The following PCDHA4 variants were observed in gnomAD, a reference collection of about 807,000 sequenced individuals.
PCDHA4 encodes protocadherin alpha 4, also known as protocadherin alpha-4.
PCDHA4 carries 49 observed loss-of-function variants against 61.4 expected under a neutral mutation model. The observed-to-expected ratio is 0.80, with a 90% CI of 0.63 to 1.01. PCDHA4 has a LOEUF of 1.01. Among genes scored for constraint, PCDHA4 ranks in the 50% least tolerant of loss-of-function variants. The pLI is 0.00. For synonymous variants in PCDHA4, 590 were observed against 550.3 expected (o/e 1.07, Z -1.01); for missense variants, 1,254 against 1,235.8 (o/e 1.01, Z -0.22).
intron 3 of PCDHA4, among the ~76,000 whole-genome samples, chr5:140,983,980 G>A (rs1169839423): frequency 6.6e-6 from 1 of 152,286 alleles, no homozygotes; most frequent in African/African-American, 2.4e-5. Flanking sequence ...AAATATACGA[G>A]TTGAAGCAAT....
intron 1 of PCDHA4, chr5:140,828,102 C>T: frequency 6.8e-6 from 11 of 1,608,522 alleles, no homozygotes; most frequent in Non-Finnish European, 9.3e-6. Flanking sequence ...ATGGTGTTTA[C>T]CCCGGAGGAT....
intron 3 of PCDHA4, among the ~76,000 whole-genome samples, chr5:140,999,659 G>A (rs1208907437): frequency 6.6e-6 from 1 of 152,162 alleles, no homozygotes; most frequent in African/African-American, 2.4e-5. Context: ...GAGCCCTGCT[G>A]GGTTGCGGGG....
chr5:141,008,323 A>C lies in PCDHA4; in HGVS notation c.2534-1304A>C, dbSNP rs2098370005. ...CCCTAAACTGTAATTGAACATAAACAGTTTATTTGATGGAGCTTTTCACGT... is the reference window on the plus strand; with the variant it reads ...CCCTAAACTGTAATTGAACATAAACCGTTTATTTGATGGAGCTTTTCACGT... On this transcript the variant is annotated intron_variant, in intron 3 of 3. Transcript: ENST00000530339. 2.0e-5 allele frequency among the ~76,000 whole-genome samples: 3 copies of C among 152,242 alleles called. No individual in the cohort carries two copies. The South Asian group carries it at 6.2e-4, about 32-fold the overall frequency.
chr5:140,820,258 A>G (rs920321259), intron 1 of PCDHA4, among the ~76,000 whole-genome samples: 1 of 151,990 alleles, frequency 6.6e-6, no homozygotes, highest in African/African-American at 2.4e-5. Context: ...TTATAAGGGA[A>G]CTGGTAAATA....
At chr5:140,845,023 G>A (rs1554140814) in intron 1 of PCDHA4, among the ~76,000 whole-genome samples, 2 of 149,032 alleles carry the variant, frequency 1.3e-5, no homozygotes, top group African/African-American at 2.5e-5. Flanking sequence ...AATCATTTAT[G>A]GGCATATTTT....
At position 140,823,260 on chromosome 5, in the gene PCDHA4, G is replaced by A. The variant is rs2150124011; in HGVS notation, c.2385+13688G>A. On this transcript the variant is annotated intron_variant, in intron 1 of 3. Transcript: ENST00000530339. ...CCCTGGTGTCCTACTCGCTGGTGGA[G>A]CGGCGGGTGGGCGAGCGCCCGCTGT... is the stretch of plus-strand genomic sequence containing the variant. 59 of 1,613,054 alleles carry A rather than the reference G, an allele frequency of 3.7e-5. No individual in the cohort carries two copies. In the Admixed American group the frequency reaches 7.5e-4, roughly 20 times the overall value.
intron 1 of PCDHA4, chr5:140,870,513 C>G: frequency 6.2e-7 from 1 of 1,614,254 alleles, no homozygotes; most frequent in Non-Finnish European, 8.5e-7. Flanking sequence ...ACCCACCAGG[C>G]TGCCACATCT....
At chr5:140,998,125 A>G (rs2097797565) in intron 3 of PCDHA4, among the ~76,000 whole-genome samples, 1 of 152,222 alleles carries the variant, frequency 6.6e-6, no homozygotes. Flanking sequence ...CTTGTGAATC[A>G]TAATAGCTAA....
chr5:140,889,541 ATTTAC>A (rs1434823292), intron 1 of PCDHA4, among the ~76,000 whole-genome samples: 9 of 151,878 alleles, frequency 5.9e-5, no homozygotes, highest in African/African-American at 2.2e-4. Context: ...TTCCTGTCTA[ATTTAC>A]TTTTCTTCAG....
chr5:140,957,879 G>T (rs2095393633), intron 1 of PCDHA4, among the ~76,000 whole-genome samples: 1 of 151,960 alleles, frequency 6.6e-6, no homozygotes, highest in Non-Finnish European at 1.5e-5. Flanking sequence ...GTGCTGAAAA[G>T]CTGAAGTTGG....
intron 1 of PCDHA4, chr5:140,841,323 T>G: frequency 1.3e-6 from 2 of 1,588,196 alleles, no homozygotes; most frequent in Non-Finnish European, 1.7e-6. Flanking sequence ...CTATTTAACA[T>G]GGATTATCAC....
intron 1 of PCDHA4, chr5:140,843,835 T>G: frequency 5.5e-6 from 6 of 1,094,648 alleles, no homozygotes; most frequent in Non-Finnish European, 5.3e-6. Context: ...CATTGTTTAG[T>G]TTTTAGAAAC....
chr5:140,854,692 A>G (rs1554147391), intron 1 of PCDHA4: 1 of 150,100 alleles, frequency 6.7e-6, no homozygotes, highest in African/African-American at 2.4e-5. Flanking sequence ...TCTGTTGTTA[A>G]GTTTTCCTTT....
intron 1 of PCDHA4, chr5:140,850,713 G>C (rs186966305): frequency 6.3e-7 from 1 of 1,598,196 alleles, no homozygotes; most frequent in Non-Finnish European, 8.6e-7. Context: ...GCCGACGCTG[G>C]TGTGTTCTAG....
Position 141,009,969 on chromosome 5 carries a change from GT to G in PCDHA4, c.*37del, listed in dbSNP as rs2098415622. On this transcript the variant is annotated 3_prime_UTR_variant, in exon 4 of 4. Coordinates refer to ENST00000530339, the MANE Select transcript of PCDHA4 (RefSeq NM_018907.4). ...CAAATGGAAACAAGCCACTTAGCCA[GT>G]TTTTGTAATAATGGCAAATCTCTCC... 6.3e-7 allele frequency: 1 copy of G among 1,586,478 alleles called. No homozygotes were observed. The highest frequency in any genetic ancestry group is 1.8e-5 in the Admixed American group (1 of 54,174).
chr5:140,808,693 C>G lies in PCDHA4; in HGVS notation c.1506C>G (p.Arg502=). 6.2e-7 allele frequency: 1 copy of G among 1,612,144 alleles called. No individual in the cohort carries two copies. The change falls in exon 1 of 4, where the codon CGC becomes CGG. Residue 502 remains arginine, a synonymous_variant. Transcript: ENST00000530339. ...TGGTAGAGCGGCGGGTAGGGGAGCGCGCGCTGTCGAGCTACGTTTCGGTGC... is the reference window on the plus strand; with the variant it reads ...TGGTAGAGCGGCGGGTAGGGGAGCGGGCGCTGTCGAGCTACGTTTCGGTGC... The part of the protein sequence containing the change: ...YSLVERRVGE[R]ALSSYVSVHA...
At chr5:140,877,156 G>C (rs1471783281) in intron 1 of PCDHA4, 1 of 1,613,810 alleles carries the variant, frequency 6.2e-7, no homozygotes, top group Non-Finnish European at 8.5e-7. Flanking sequence ...GAACGACAAC[G>C]CGCCGGCACT....
intron 1 of PCDHA4, among the ~76,000 whole-genome samples, chr5:140,881,030 A>G (rs959156727): frequency 6.6e-6 from 1 of 152,234 alleles, no homozygotes; most frequent in Non-Finnish European, 1.5e-5. Flanking sequence ...CCCAACAGTC[A>G]TTTCCTATAG....
Position 140,808,930 on chromosome 5 carries a change from GC to G in PCDHA4, c.1745del (p.Pro582HisfsTer70). On this transcript the variant is annotated frameshift_variant, in exon 1 of 4. Coordinates refer to ENST00000530339, the MANE Select transcript of PCDHA4 (RefSeq NM_018907.4). LOFTEE classifies it high-confidence loss of function. ...CTGGTGGCGCAGTGAGCGAGCTGGT[GC>G]CATGGTCGGTGGGTGTGGGCCACGT... ...GTGGAVSELV[P>X]WSVGVGHVVA... 1 of 1,613,744 alleles carries G rather than the reference GC, an allele frequency of 6.2e-7. No individual in the cohort carries two copies. The highest frequency in any genetic ancestry group is 8.5e-7 in the Non-Finnish European group (1 of 1,179,850).
Sources: gnomAD v4.1 joint callset for allele counts (sites outside exome capture counted in the v4.1 genomes callset) on GRCh38, gnomAD v4.1.1 for gene constraint, MANE v1.5 for transcripts, NCBI Gene and HGNC (gene_info 2026-07-23, HGNC 2026-07-21) for gene names.